Variants in COL4A6 observed in about 807,000 individuals in gnomAD.
The protein encoded by COL4A6 is collagen alpha-6(IV) chain.
A neutral mutation model predicts 126.7 loss-of-function variants in COL4A6; 59 were observed. The observed-to-expected ratio is 0.47, with a 90% CI of 0.38 to 0.58. The LOEUF (loss-of-function observed/expected upper bound fraction) is 0.58. Ranked by LOEUF, COL4A6 falls within the 20% of genes least tolerant of loss-of-function variation. The probability of loss-of-function intolerance (pLI) is 0.00; values close to 1 mark genes in which losing one functional copy is unlikely to be tolerated. For missense variants in COL4A6, 1,285 were observed against 1,337.3 expected (o/e 0.96, Z 0.61); for synonymous variants, 547 against 496.6 (o/e 1.10, Z -1.35).
At chrX:108,282,152 T>C (rs1414881066) in intron 3 of COL4A6, among the ~76,000 whole-genome samples, 1 of 106,389 alleles carries the variant, frequency 9.4e-6, no homozygotes, top group Non-Finnish European at 1.9e-5. Flanking sequence ...AAATGGGATC[T>C]AATTAAACTA....
At chrX:108,187,333 C>A (rs55806318) in intron 22 of COL4A6, 54 bp from the exon 23 acceptor site, 1 of 998,661 alleles carries the variant, frequency 1.0e-6, no homozygotes, top group South Asian at 3.1e-5. Flanking sequence ...TTTATCTGGA[C>A]AGTCCTCTGA....
rs187901184 is a variant in COL4A6 at position 108,351,286 on chromosome X, G to C, written c.64-40458C>G. ...GTGGCTATTTTCTTGGGGTTGGGGG[G>C]TGGAATGGTATTTGTTTCTTCTTTA... On this transcript the variant is annotated intron_variant, in intron 2 of 44. Coordinates refer to ENST00000334504, the MANE Select transcript of COL4A6 (RefSeq NM_033641.4). 3.7e-3 allele frequency among the ~76,000 whole-genome samples: 408 copies of C among 111,569 alleles called. 2 individuals are homozygous for C. Among genetic ancestry groups the C allele is most frequent in the African/African-American group, 0.013 (388 of 30,703 alleles).
chrX:108,174,473 C>T lies in COL4A6; in HGVS notation c.3105G>A (p.Gly1035=), dbSNP rs1249568580. 2.5e-6 allele frequency: 3 copies of T among 1,211,139 alleles called. No individual in the cohort carries two copies. Among genetic ancestry groups the T allele is most frequent in the Admixed American group, 4.3e-5 (2 of 45,978 alleles). Residue 1035 remains glycine, a synonymous_variant, in exon 31 of 45, where the codon GGG becomes GGA. Coordinates refer to ENST00000334504, the MANE Select transcript of COL4A6 (RefSeq NM_033641.4). ...RGLPGLKGSS[G]ITGFPGMPGE... ...CTGGCATTCCTGGGAAACCTGTGAT[C>T]CCAGAGGACCCCTTCAGGCCAGGTA...
At chrX:108,169,837 A>G (rs1602717371) in intron 36 of COL4A6, 108 bp downstream of exon 36, 2 of 859,547 alleles carry the variant, frequency 2.3e-6, no homozygotes, top group Non-Finnish European at 3.3e-6. Context: ...AAGGAGAGCT[A>G]TGAGTCCAAG....
intron 2 of COL4A6, among the ~76,000 whole-genome samples, chrX:108,423,528 A>G (rs1428405646): frequency 1.8e-5 from 2 of 111,881 alleles, no homozygotes; most frequent in Non-Finnish European, 3.8e-5. Context: ...AATGGCAAAG[A>G]AAGAACAGTT....
intron 2 of COL4A6, among the ~76,000 whole-genome samples, chrX:108,399,266 A>G (rs888559806): frequency 2.7e-5 from 3 of 111,523 alleles, no homozygotes; most frequent in Non-Finnish European, 3.8e-5. Context: ...TAATTTAACA[A>G]ACACGTATGA....
At chrX:108,257,578 C>T (rs1305418271) in intron 3 of COL4A6, among the ~76,000 whole-genome samples, 1 of 111,458 alleles carries the variant, frequency 9.0e-6, no homozygotes, top group Non-Finnish European at 1.9e-5. Context: ...TAGAACTGTG[C>T]TCCAATCTGA....
intron 30 of COL4A6, 72 bp downstream of exon 30, chrX:108,175,018 T>C (rs1281787363): frequency 1.0e-5 from 11 of 1,103,978 alleles, no homozygotes; most frequent in Non-Finnish European, 1.3e-5. Flanking sequence ...GGGCCTTTGC[T>C]CAAGAAGGAA....
chrX:108,161,030 A>C (rs753221369), intron 42 of COL4A6, among the ~76,000 whole-genome samples: 1 of 111,992 alleles, frequency 8.9e-6, no homozygotes, highest in Non-Finnish European at 1.9e-5. Flanking sequence ...ATAGGAGATA[A>C]CTATGTAGCT....
At chrX:108,351,572 G>A (rs2039848978) in intron 2 of COL4A6, among the ~76,000 whole-genome samples, 1 of 108,568 alleles carries the variant, frequency 9.2e-6, no homozygotes, top group African/African-American at 3.4e-5. Flanking sequence ...CCCTGTGATT[G>A]CAATCTACTA....
chrX:108,430,549 G>A (rs2064159471), intron 2 of COL4A6, among the ~76,000 whole-genome samples: 2 of 112,080 alleles, frequency 1.8e-5, no homozygotes, highest in South Asian at 7.4e-4. Flanking sequence ...GTAGAGATAA[G>A]GATGGAGTCA....
intron 18 of COL4A6, 74 bp from the exon 19 acceptor site, chrX:108,191,607 T>C: frequency 9.2e-7 from 1 of 1,091,582 alleles, no homozygotes; most frequent in Non-Finnish European, 1.2e-6. Flanking sequence ...CTGTGGCATA[T>C]GTTGGAAACA....
chrX:108,367,800 A>C (rs187646131), intron 2 of COL4A6, among the ~76,000 whole-genome samples: 242 of 111,493 alleles, frequency 2.2e-3, no homozygotes, highest in Middle Eastern at 0.014. Flanking sequence ...AACAATTATC[A>C]GTACTACTAT....
intron 2 of COL4A6, among the ~76,000 whole-genome samples, chrX:108,422,029 G>C (rs1458555380): frequency 8.9e-6 from 1 of 111,955 alleles, no homozygotes; most frequent in Non-Finnish European, 1.9e-5. Flanking sequence ...GCACATTAAA[G>C]TATTTGAGGG....
chrX:108,427,527 G>A (rs763545115), intron 2 of COL4A6, among the ~76,000 whole-genome samples: 11 of 111,704 alleles, frequency 9.8e-5, no homozygotes, highest in Non-Finnish European at 1.7e-4. Flanking sequence ...GAATATGCAC[G>A]TCCTGTTAAG....
chrX:108,376,248 T>C (rs1177622999), intron 2 of COL4A6, among the ~76,000 whole-genome samples: 1 of 111,470 alleles, frequency 9.0e-6, no homozygotes, highest in African/African-American at 3.3e-5. Flanking sequence ...TGTGCTTTAA[T>C]AGGCAGATTC....
At chrX:108,171,509 C>A (rs957710405) in intron 32 of COL4A6, 48 bp from the exon 33 acceptor site, 1 of 1,020,686 alleles carries the variant, frequency 9.8e-7, no homozygotes, top group South Asian at 2.0e-5. Flanking sequence ...AGCTATAGCT[C>A]ATTTTGCACC....
At chrX:108,319,633 C>A (rs962048677) in intron 2 of COL4A6, among the ~76,000 whole-genome samples, 1 of 111,813 alleles carries the variant, frequency 8.9e-6, no homozygotes, top group Non-Finnish European at 1.9e-5. Context: ...ATGGATTTAG[C>A]AATGTGGTGA....
intron 2 of COL4A6, among the ~76,000 whole-genome samples, chrX:108,319,242 T>G (rs1162046147): frequency 8.9e-6 from 1 of 112,049 alleles, no homozygotes; most frequent in Non-Finnish European, 1.9e-5. Flanking sequence ...TGATGGCATG[T>G]GCCTGTAGTC....
Sources: allele counts gnomAD v4.1 joint callset (sites outside exome capture counted in the v4.1 genomes callset), GRCh38; gene constraint gnomAD v4.1.1; transcripts MANE v1.5; gene names NCBI Gene and HGNC (gene_info 2026-07-23, HGNC 2026-07-21).